Variants in MOB3B observed in about 807,000 individuals in gnomAD.
The protein encoded by MOB3B is MOB kinase activator-like 2B.
MOB3B carries 7 observed loss-of-function variants against 18.7 expected under a neutral mutation model. That is an observed-to-expected ratio of 0.37 (90% CI 0.21 to 0.70). The LOEUF (loss-of-function observed/expected upper bound fraction) is 0.70, where lower values mean the gene tolerates loss of function less well. Ranked by LOEUF, MOB3B falls within the 30% of genes least tolerant of loss-of-function variation. MOB3B has a pLI of 0.52. For synonymous variants in MOB3B, 111 were observed against 99.9 expected (o/e 1.11, Z -0.66); for missense variants, 253 against 281.3 (o/e 0.90, Z 0.72).
At chr9:27,512,011 T>C (rs1820154508) in intron 1 of MOB3B, among the ~76,000 whole-genome samples, 1 of 152,138 alleles carries the variant, frequency 6.6e-6, no homozygotes, top group Non-Finnish European at 1.5e-5. Context: ...TGTGTGTCCC[T>C]CTAAGCCTAA....
chr9:27,476,775 G>T lies in MOB3B; in HGVS notation c.-198-21027C>A, dbSNP rs116516008. Among the ~76,000 whole-genome samples, 1,319 of 152,320 alleles carry T rather than the reference G, an allele frequency of 8.7e-3. 17 individuals carry two copies. Among genetic ancestry groups the T allele is most frequent in the African/African-American group, 0.029 (1,204 of 41,562 alleles). Reference sequence around the variant, plus strand: ...GTATTACTGGCTAGGAGTTACAGCTGCTGTGCTCTGAAATCCATCTCTGCA... The same window carrying T: ...GTATTACTGGCTAGGAGTTACAGCTTCTGTGCTCTGAAATCCATCTCTGCA... On this transcript the variant is annotated intron_variant, in intron 1 of 3. Transcript: ENST00000262244.
At chr9:27,501,788 A>G (rs1182703940) in intron 1 of MOB3B, among the ~76,000 whole-genome samples, 2 of 150,468 alleles carry the variant, frequency 1.3e-5, no homozygotes, top group African/African-American at 2.4e-5. Context: ...AAAAAGTGCT[A>G]TTTGTGAGAT....
chr9:27,485,146 A>G (rs1474920947), intron 1 of MOB3B, among the ~76,000 whole-genome samples: 1 of 152,198 alleles, frequency 6.6e-6, no homozygotes, highest in Non-Finnish European at 1.5e-5. Flanking sequence ...ATCATAGCAA[A>G]TACTTCTATA....
At chr9:27,413,442 G>A (rs185036926) in intron 2 of MOB3B, among the ~76,000 whole-genome samples, 11 of 152,226 alleles carry the variant, frequency 7.2e-5, no homozygotes, top group Non-Finnish European at 1.5e-4. Context: ...CACTGAATAA[G>A]TTCTTTAAAG....
intron 2 of MOB3B, among the ~76,000 whole-genome samples, chr9:27,377,400 T>C (rs1028414320): frequency 6.6e-6 from 1 of 152,090 alleles, no homozygotes; most frequent in Non-Finnish European, 1.5e-5. Flanking sequence ...ACGGAAGTGC[T>C]GAAAATACAC....
intron 2 of MOB3B, among the ~76,000 whole-genome samples, chr9:27,391,213 G>T (rs915585124): frequency 6.6e-6 from 1 of 152,196 alleles, no homozygotes; most frequent in Non-Finnish European, 1.5e-5. Flanking sequence ...TCACAGGATG[G>T]TGTTTGGCTG....
intron 3 of MOB3B, among the ~76,000 whole-genome samples, chr9:27,357,886 T>TCCAAAAAAAAAAAAAAAAAAAAA (rs1563849115): frequency 4.0e-5 from 1 of 25,292 alleles, no homozygotes; most frequent in African/African-American, 1.5e-4. Flanking sequence ...ATCCCATCGC[T>TCCAAAAAAAAAAAAAAAAAAAAA]ACAAAAAAAA....
At chr9:27,364,330 A>G (rs1563850688) in intron 2 of MOB3B, among the ~76,000 whole-genome samples, 1 of 152,068 alleles carries the variant, frequency 6.6e-6, no homozygotes, top group Non-Finnish European at 1.5e-5. Context: ...TAGACCCTCC[A>G]CTTCAGTATT....
intron 1 of MOB3B, among the ~76,000 whole-genome samples, chr9:27,487,157 T>TAAATAAATAAATAAATAAATA (rs1563880747): frequency 4.4e-4 from 64 of 146,794 alleles, no homozygotes; most frequent in African/African-American, 1.2e-3. Flanking sequence ...ATAAATAAAA[T>TAAATAAATAAATAAATAAATA]AAATAAATAA....
rs897072931 is a variant in MOB3B, at chr9:27,529,559, G to A, written c.-203C>T. The A allele has an allele frequency of 8.4e-5, 83 of 985,448 alleles. No individual in the cohort carries two copies. The African/African-American group carries it at 1.3e-3, about 16-fold the overall frequency. 61.0% of individuals were successfully genotyped at this position (985,448 alleles called of 1,614,324 possible). On this transcript the variant is annotated 5_prime_UTR_variant, in exon 1 of 4. Coordinates refer to ENST00000262244, the MANE Select transcript of MOB3B (RefSeq NM_024761.5). ...TTGGAGCGGGTTCTTACTCACCGTG[G>A]GGTTTTACCTCCAGCCCAGGGCCCG...
intron 1 of MOB3B, chr9:27,524,223 G>T: frequency 2.2e-6 from 2 of 898,740 alleles, no homozygotes; most frequent in Non-Finnish European, 1.5e-6. Flanking sequence ...GTGAAATGAC[G>T]AATGAGAAAA....
chr9:27,475,501 C>T (rs899057517), intron 1 of MOB3B, among the ~76,000 whole-genome samples: 22 of 152,200 alleles, frequency 1.4e-4, no homozygotes, highest in Non-Finnish European at 3.1e-4. Context: ...AAAGTCCATT[C>T]ATTGATAACT....
At chr9:27,418,044 A>G (rs1303178638) in intron 2 of MOB3B, among the ~76,000 whole-genome samples, 1 of 137,486 alleles carries the variant, frequency 7.3e-6, no homozygotes, top group Non-Finnish European at 1.5e-5. Flanking sequence ...GTGAGCTGAG[A>G]TCACACCATT....
intron 1 of MOB3B, among the ~76,000 whole-genome samples, chr9:27,491,864 C>T (rs1819825177): frequency 6.6e-6 from 1 of 152,178 alleles, no homozygotes; most frequent in African/African-American, 2.4e-5. Context: ...CAGAGCAAGA[C>T]TCTGTCTCAA....
intron 2 of MOB3B, among the ~76,000 whole-genome samples, chr9:27,422,973 A>G (rs934963793): frequency 2.6e-5 from 4 of 152,228 alleles, no homozygotes; most frequent in Admixed American, 6.5e-5. Flanking sequence ...GAAGGTGAAT[A>G]TTAGACGAAT....
intron 3 of MOB3B, among the ~76,000 whole-genome samples, chr9:27,347,533 GGGTAGGGT>G (rs1468581976): frequency 6.6e-6 from 1 of 152,226 alleles, no homozygotes; most frequent in African/African-American, 2.4e-5. Flanking sequence ...TGGACTTCTA[GGGTAGGGT>G]GGTGATCGCT....
intron 3 of MOB3B, among the ~76,000 whole-genome samples, chr9:27,338,404 C>T (rs79619023): frequency 5.8e-4 from 88 of 152,202 alleles, no homozygotes; most frequent in South Asian, 1.9e-3. Context: ...ATCCCAGCAG[C>T]GCCCCAGAGC....
At chr9:27,399,422 CTTTGGG>C (rs1821844399) in intron 2 of MOB3B, among the ~76,000 whole-genome samples, 1 of 152,180 alleles carries the variant, frequency 6.6e-6, no homozygotes, top group Non-Finnish European at 1.5e-5. Context: ...ACCATTATGG[CTTTGGG>C]GCCAGTGAGC....
chr9:27,495,436 C>T (rs960149107), intron 1 of MOB3B, among the ~76,000 whole-genome samples: 4 of 152,158 alleles, frequency 2.6e-5, no homozygotes, highest in Non-Finnish European at 4.4e-5. Flanking sequence ...TACTCCATCC[C>T]TGTTCCTGCA....
Sources: gnomAD v4.1 joint callset for allele counts (sites outside exome capture counted in the v4.1 genomes callset) on GRCh38, gnomAD v4.1.1 for gene constraint, MANE v1.5 for transcripts, NCBI Gene and HGNC (gene_info 2026-07-23, HGNC 2026-07-21) for gene names.